The following SNX14 variants were observed in gnomAD, a reference collection of about 807,000 sequenced individuals.
SNX14 encodes the protein sorting nexin 14, also known as sorting nexin-14.
A neutral mutation model predicts 133.8 loss-of-function variants in SNX14; 93 were observed. The ratio of observed to expected loss-of-function variants is 0.70; its 90% CI spans 0.59 to 0.83. SNX14 has a LOEUF of 0.83. SNX14 is among the 40% of genes least tolerant of loss of function. The pLI is 0.00. For synonymous variants in SNX14, 368 were observed against 365.6 expected, an observed-to-expected ratio of 1.01 and a Z score of -0.07; for missense variants, 945 against 1,094.9, an observed-to-expected ratio of 0.86 and a Z score of 1.93.
At position 85,528,347 on chromosome 6, in the gene SNX14, G is replaced by A; in HGVS notation, c.1910C>T (p.Ala637Val). 1.2e-6 allele frequency: 2 copies of A among 1,612,468 alleles called. No homozygotes were observed. The highest frequency in any genetic ancestry group is 1.1e-5 in the South Asian group (1 of 90,822). Residue 637 changes from alanine to valine, a missense_variant, in exon 20 of 29, where the codon GCC becomes GTC. By Grantham distance (64) the Ala-to-Val change is moderately conservative. Coordinates refer to ENST00000314673, the MANE Select transcript of SNX14 (RefSeq NM_153816.6). ...AATGATCCTCTTAGAAGGAAGCTGG[G>A]CATCAGGAAATGCACCTGAAATTAG... The part of the protein sequence containing the change: ...LTEFHGAFPD[A>V]QLPSKRIIGP...
chr6:85,543,333 T>C (rs1263701871), intron 13 of SNX14, 27 bp from the exon 14 acceptor site: 1 of 1,532,984 alleles, frequency 6.5e-7, no homozygotes, highest in South Asian at 1.3e-5. Context: ...ACTGTAGAAA[T>C]TATTTATAAA....
chr6:85,533,388 A>C (rs1386119307), intron 18 of SNX14, among the ~76,000 whole-genome samples: 1 of 152,244 alleles, frequency 6.6e-6, no homozygotes, highest in African/African-American at 2.4e-5. Flanking sequence ...GGCATCACTC[A>C]ATAAGTGTTG....
rs912195649 is a variant in SNX14, at chr6:85,533,585, A to C, written c.1810+14T>G. The C allele has an allele frequency of 6.2e-7, 1 of 1,608,664 alleles. No homozygotes were observed. The highest frequency in any genetic ancestry group is 8.5e-7 in the Non-Finnish European group (1 of 1,178,684). ...TGGGCATCTTTTAAGAAAGGTGCTCAGAAAGCTTCCTACCTGCTCTTCTAT... is the reference window on the plus strand; with the variant it reads ...TGGGCATCTTTTAAGAAAGGTGCTCCGAAAGCTTCCTACCTGCTCTTCTAT... On this transcript the variant is annotated intron_variant, in intron 18 of 28. Transcript: ENST00000314673.
chr6:85,533,308 C>T (rs1470242021), intron 18 of SNX14, among the ~76,000 whole-genome samples: 1 of 152,200 alleles, frequency 6.6e-6, no homozygotes, highest in Non-Finnish European at 1.5e-5. Context: ...AGTGCAATGG[C>T]TAATGATGGC....
intron 28 of SNX14, 152 bp from the exon 29 acceptor site, chr6:85,506,157 G>A: frequency 1.6e-6 from 1 of 611,394 alleles, no homozygotes; most frequent in Non-Finnish European, 2.9e-6. Flanking sequence ...AAATATCTAT[G>A]TTCTAGATAT....
At chr6:85,548,796 G>A (rs1394555837) in intron 8 of SNX14, among the ~76,000 whole-genome samples, 4 of 151,468 alleles carry the variant, frequency 2.6e-5, no homozygotes, top group Non-Finnish European at 5.9e-5. Context: ...ATGAAACCCC[G>A]TCTCTACTAA....
At chr6:85,590,079 T>C (rs927058407) in intron 1 of SNX14, among the ~76,000 whole-genome samples, 4 of 152,234 alleles carry the variant, frequency 2.6e-5, no homozygotes, top group Non-Finnish European at 5.9e-5. Flanking sequence ...TTAAAGGCAA[T>C]CCCTGCTGGC....
At chr6:85,549,582 A>T in intron 8 of SNX14, 141 bp downstream of exon 8, 1 of 447,232 alleles carries the variant, frequency 2.2e-6, no homozygotes, top group Non-Finnish European at 3.5e-6. Context: ...ATTATATATT[A>T]ATAACTTAAT....
At chr6:85,561,018 A>G (rs1236290476) in intron 6 of SNX14, among the ~76,000 whole-genome samples, 3 of 141,222 alleles carry the variant, frequency 2.1e-5, no homozygotes, top group Non-Finnish European at 4.6e-5. Flanking sequence ...TGGGTGACAC[A>G]GTGAGACTCC....
chr6:85,527,931 A>C (rs1453150147), intron 20 of SNX14, among the ~76,000 whole-genome samples: 1 of 152,158 alleles, frequency 6.6e-6, no homozygotes, highest in Non-Finnish European at 1.5e-5. Flanking sequence ...TATTCTAAGA[A>C]TACTATCCAG....
chr6:85,538,680 T>G (rs2128043151), intron 16 of SNX14, among the ~76,000 whole-genome samples, 158 bp downstream of exon 16: 1 of 152,322 alleles, frequency 6.6e-6, no homozygotes, highest in South Asian at 2.1e-4. Context: ...AGAATAAAAG[T>G]AGGTATTCAT....
chr6:85,508,229 A>G lies in SNX14; in HGVS notation c.2654-170T>C. 3 of 1,279,232 alleles carry G rather than the reference A, an allele frequency of 2.3e-6. No individual in the cohort carries two copies. In the South Asian group the frequency reaches 7.5e-5, roughly 32 times the overall value. The allele number at this position is 1,279,232 out of a possible 1,614,324, so 79.2% of individuals were successfully genotyped here. A position where few individuals can be genotyped will look rare whatever the true frequency, so the allele number is the denominator to read the frequency against. On this transcript the variant is annotated intron_variant, in intron 26 of 28. Transcript: ENST00000314673. ...AGAGGCTCCTGGATAAGAGGTTTCT[A>G]TGGTCAAGTTGACAAATGCAGTATC...
At chr6:85,508,513 GA>G in intron 26 of SNX14, 1 of 362,904 alleles carries the variant, frequency 2.8e-6, no homozygotes, top group Non-Finnish European at 3.8e-6. Flanking sequence ...GTGGGCAGAA[GA>G]TAGCTTCTAC....
In SNX14 at chr6:85,570,217, C is replaced by G. The variant is rs147295412; in HGVS notation, c.417+1920G>C. Among the ~76,000 whole-genome samples, 524 of 152,256 alleles carry G rather than the reference C, an allele frequency of 3.4e-3. 3 individuals carry two copies. The highest frequency in any genetic ancestry group is 4.5e-3 in the Non-Finnish European group (309 of 68,020). ...TTAATCACTAGGGCCTAGCCCAGTT[C>G]CTACCTATAAGATATCAAAATATGT... is the stretch of plus-strand genomic sequence containing the variant. On this transcript the variant is annotated intron_variant, in intron 4 of 28. Transcript: ENST00000314673.
At chr6:85,588,832 G>A (rs998211865) in intron 1 of SNX14, 1 of 453,580 alleles carries the variant, frequency 2.2e-6, no homozygotes, top group Non-Finnish European at 4.4e-6. Flanking sequence ...ATGCTATTAA[G>A]AATATCATAA....
At chr6:85,580,603 G>A (rs537368119) in intron 1 of SNX14, among the ~76,000 whole-genome samples, 1 of 152,110 alleles carries the variant, frequency 6.6e-6, no homozygotes, top group Non-Finnish European at 1.5e-5. Flanking sequence ...CCAAAGGGGA[G>A]TGCATTGCCC....
chr6:85,520,511 C>T (rs936912852), intron 21 of SNX14, among the ~76,000 whole-genome samples: 2 of 151,972 alleles, frequency 1.3e-5, no homozygotes, highest in Non-Finnish European at 2.9e-5. Flanking sequence ...GCGCCCACCA[C>T]CATGCCCAGC....
In SNX14 at chr6:85,549,835, C is replaced by T. The variant is rs1787108874; in HGVS notation, c.679G>A (p.Gly227Ser). The change falls in exon 8 of 29, where the codon GGT becomes AGT. Residue 227 changes from glycine (G) to serine (S), a missense_variant. By Grantham distance (56) the Gly-to-Ser change is moderately conservative. Transcript: ENST00000314673. Reference sequence around the variant, plus strand: ...CTCAAAGCAACATGAAGCTCTGGACCATATTCTTCTAAAGCAGCTTGCTGT... The same window carrying T: ...CTCAAAGCAACATGAAGCTCTGGACTATATTCTTCTAAAGCAGCTTGCTGT... ...FLQQAALEEY[G>S]PELHVALRSR... 1 of 1,613,400 alleles carries T rather than the reference C, an allele frequency of 6.2e-7. No individual in the cohort carries two copies. The highest frequency in any genetic ancestry group is 8.5e-7 in the Non-Finnish European group (1 of 1,179,722).
chr6:85,546,765 C>G (rs1295657477), intron 12 of SNX14, among the ~76,000 whole-genome samples: 1 of 151,982 alleles, frequency 6.6e-6, no homozygotes, highest in Non-Finnish European at 1.5e-5. Context: ...GAATTCAAGA[C>G]CAGCCTGACC....
Sources: allele counts gnomAD v4.1 joint callset (sites outside exome capture counted in the v4.1 genomes callset), GRCh38; gene constraint gnomAD v4.1.1; transcripts MANE v1.5; gene names NCBI Gene and HGNC (gene_info 2026-07-23, HGNC 2026-07-21).